Variants in ZNF713 observed in about 807,000 individuals in gnomAD.
ZNF713 encodes zinc finger protein 713.
Under a neutral mutation model 28.7 loss-of-function variants are expected in ZNF713, and 21 were observed. The observed-to-expected ratio is 0.73, with a 90% CI of 0.52 to 1.05. The LOEUF is 1.05. Among genes scored for constraint, ZNF713 ranks in the 50% least tolerant of loss-of-function variants. The pLI, the probability that ZNF713 is intolerant of heterozygous loss-of-function variation, is 0.00. For synonymous variants in ZNF713, 167 were observed against 178.0 expected (o/e 0.94, Z 0.49); for missense variants, 458 against 532.4 (o/e 0.86, Z 1.37).
chr7:55,908,182 G>A (rs542940396), intron 2 of ZNF713, among the ~76,000 whole-genome samples: 368 of 121,332 alleles, frequency 3.0e-3, no homozygotes, highest in Non-Finnish European at 3.6e-3. Context: ...TTGCCATGTC[G>A]CCCAGGCTGG....
rs374025454 is a variant in ZNF713, at chr7:55,906,720, C to A, written c.-456+341C>A. Reference sequence around the variant, plus strand: ...TTGGGGCTTGGTTTTTCATTTGTGACCATCACCAGCTGGGTTTGTGTATGA... The same window carrying A: ...TTGGGGCTTGGTTTTTCATTTGTGAACATCACCAGCTGGGTTTGTGTATGA... On this transcript the variant is annotated intron_variant, in intron 2 of 6. Transcript: ENST00000429591. 2.0e-5 allele frequency among the ~76,000 whole-genome samples: 3 copies of A among 152,214 alleles called. No homozygotes were observed. In the East Asian group the frequency reaches 5.8e-4, roughly 29 times the overall value.
chr7:55,904,082 G>GCCAGACTGTATCTTTAAAAAAAAAAAAAA lies in ZNF713; in HGVS notation c.-582-2171_-582-2170insCCAGACTGTATCTTTAAAAAAAAAAAAAA. 1.1e-3 allele frequency among the ~76,000 whole-genome samples: 136 copies of GCCAGACTGTATCTTTAAAAAAAAAAAAAA among 126,628 alleles called. 10 individuals carry two copies. Among genetic ancestry groups the GCCAGACTGTATCTTTAAAAAAAAAAAAAA allele is most frequent in the East Asian group, 2.9e-3 (11 of 3,842 alleles). 83.1% of individuals were successfully genotyped at this position (126,628 alleles called of 152,430 possible). A position where few individuals can be genotyped will look rare whatever the true frequency, so the allele number is the denominator to read the frequency against. On this transcript the variant is annotated intron_variant, in intron 1 of 6. Transcript: ENST00000429591. Reference sequence around the variant, plus strand: ...ATAAAAGGCAGGCAAAGGAAAAAGAGACTAGATCACAGCTCCCTGAGAGAG... The same window carrying GCCAGACTGTATCTTTAAAAAAAAAAAAAA: ...ATAAAAGGCAGGCAAAGGAAAAAGAGCCAGACTGTATCTTTAAAAAAAAAAAAAAACTAGATCACAGCTCCCTGAGAGAG...
intron 4 of ZNF713, among the ~76,000 whole-genome samples, chr7:55,915,594 G>A (rs985086839): frequency 1.3e-5 from 2 of 152,220 alleles, no homozygotes; most frequent in Non-Finnish European, 2.9e-5. Flanking sequence ...AGAAAGAAAA[G>A]ATAAGTAGAA....
At chr7:55,921,692 A>T (rs533409280) in intron 4 of ZNF713, among the ~76,000 whole-genome samples, 6 of 152,306 alleles carry the variant, frequency 3.9e-5, no homozygotes, top group African/African-American at 1.4e-4. Flanking sequence ...TGGTTTCTTG[A>T]GATGGAATCA....
intron 4 of ZNF713, among the ~76,000 whole-genome samples, chr7:55,921,789 AG>A (rs1785997294): frequency 6.6e-6 from 1 of 152,234 alleles, no homozygotes; most frequent in African/African-American, 2.4e-5. Context: ...AAGCAGCAGG[AG>A]GATTTGAAAA....
intron 4 of ZNF713, among the ~76,000 whole-genome samples, chr7:55,913,897 G>A (rs946330810): frequency 1.3e-5 from 2 of 152,100 alleles, no homozygotes; most frequent in Non-Finnish European, 2.9e-5. Flanking sequence ...AGATCACAAG[G>A]TCAGGAGTTC....
intron 6 of ZNF713, among the ~76,000 whole-genome samples, chr7:55,925,714 G>A (rs1303512457): frequency 1.3e-5 from 2 of 152,296 alleles, no homozygotes; most frequent in East Asian, 3.9e-4. Flanking sequence ...CCTAACCAGT[G>A]CTCACATTCC....
intron 2 of ZNF713, among the ~76,000 whole-genome samples, chr7:55,911,297 G>A (rs1318659629): frequency 6.6e-6 from 1 of 152,116 alleles, no homozygotes; most frequent in Admixed American, 6.6e-5. Flanking sequence ...TTACTTTGTT[G>A]TTGAAACATG....
At position 55,923,709 on chromosome 7, in the gene ZNF713, C is replaced by A. The variant is rs1467748966; in HGVS notation, c.307+10C>A. 1 of 1,602,658 alleles carries A rather than the reference C, an allele frequency of 6.2e-7. No homozygotes were observed. Among genetic ancestry groups the A allele is most frequent in the Non-Finnish European group, 8.5e-7 (1 of 1,171,712 alleles). ...CTGGATACTCATCCAGGTAAGTGCA[C>A]ACTCTTGGGCACTGCTACTTAATGA... On this transcript the variant is annotated intron_variant, in intron 6 of 6. Transcript: ENST00000429591.
chr7:55,907,254 T>C (rs567635575), intron 2 of ZNF713, among the ~76,000 whole-genome samples: 15 of 152,308 alleles, frequency 9.8e-5, no homozygotes, highest in Middle Eastern at 3.4e-3. Flanking sequence ...TTATGGTGTT[T>C]CCTTCTTTTG....
Position 55,893,309 on chromosome 7 carries a change from C to G in ZNF713, c.-583+5629C>G, listed in dbSNP as rs190673620. ...ACATCCATGTATAAATATGATTGGA[C>G]AAAAAGAGTATGATCTCATGCTATA... On this transcript the variant is annotated intron_variant, in intron 1 of 6. Transcript: ENST00000429591. 1.4e-4 allele frequency among the ~76,000 whole-genome samples: 22 copies of G among 152,154 alleles called. No homozygotes were observed. In the East Asian group the frequency reaches 1.9e-3, roughly 13 times the overall value.
intron 1 of ZNF713, among the ~76,000 whole-genome samples, chr7:55,894,006 G>A (rs1785432299): frequency 6.6e-6 from 1 of 152,316 alleles, no homozygotes; most frequent in Admixed American, 6.5e-5. Context: ...TTGTGCTTTT[G>A]AGGCCTTTAA....
chr7:55,903,296 G>A (rs545650731), intron 1 of ZNF713, among the ~76,000 whole-genome samples: 15 of 152,090 alleles, frequency 9.9e-5, no homozygotes, highest in African/African-American at 2.9e-4. Context: ...GGTTCCTACC[G>A]TCATGGAGAT....
chr7:55,900,760 T>C (rs1046417576), intron 1 of ZNF713, among the ~76,000 whole-genome samples: 13 of 152,170 alleles, frequency 8.5e-5, no homozygotes, highest in African/African-American at 2.9e-4. Context: ...AGGGGTAAGC[T>C]TTAGTGATCT....
At chr7:55,910,536 C>T (rs1442314047) in intron 2 of ZNF713, among the ~76,000 whole-genome samples, 2 of 152,012 alleles carry the variant, frequency 1.3e-5, no homozygotes, top group African/African-American at 4.8e-5. Context: ...TACTCTGTCA[C>T]CCAGGCTTCA....
chr7:55,939,675 G>C lies in ZNF713; in HGVS notation c.1001G>C (p.Arg334Thr). Residue 334 changes from arginine to threonine, a missense_variant, in exon 7 of 7, where the codon AGG becomes ACG. Coordinates refer to ENST00000429591, the MANE Select transcript of ZNF713 (RefSeq NM_182633.3). ...CATTCATCCTTTACTCAACATCTGA[G>C]GATTCATACTGGAGAAAAGCCCTAT... ...RQHSSFTQHLRIHTGEKPYKC... is the reference protein window; with the variant it reads ...RQHSSFTQHLTIHTGEKPYKC... 1 of 1,614,148 alleles carries C rather than the reference G, an allele frequency of 6.2e-7. No individual in the cohort carries two copies. The highest frequency in any genetic ancestry group is 8.5e-7 in the Non-Finnish European group (1 of 1,180,030).
rs191272485 is a variant in ZNF713, at chr7:55,905,292, C to G, written c.-582-961C>G. Among the ~76,000 whole-genome samples the G allele has an allele frequency of 1.2e-4, 19 of 152,290 alleles. No homozygotes were observed. In the East Asian group the frequency reaches 3.3e-3, roughly 26 times the overall value. Reference sequence around the variant, plus strand: ...ATGTAGATGGCAGATTTTCACCTCTCAGATTCTGACCTAGGAGCTCTCTGG... The same window carrying G: ...ATGTAGATGGCAGATTTTCACCTCTGAGATTCTGACCTAGGAGCTCTCTGG... On this transcript the variant is annotated intron_variant, in intron 1 of 6. Transcript: ENST00000429591.
intron 6 of ZNF713, among the ~76,000 whole-genome samples, chr7:55,925,690 A>G (rs1368258689): frequency 6.6e-6 from 1 of 152,166 alleles, no homozygotes; most frequent in East Asian, 1.9e-4. Context: ...AGCCTCACTG[A>G]ACCAGAATTT....
At chr7:55,934,846 A>C (rs972509185) in intron 6 of ZNF713, among the ~76,000 whole-genome samples, 2 of 151,812 alleles carry the variant, frequency 1.3e-5, no homozygotes, top group Admixed American at 6.6e-5. Context: ...AGAATTTATC[A>C]AAATGTGTAG....
Sources: allele counts gnomAD v4.1 joint callset (sites outside exome capture counted in the v4.1 genomes callset), GRCh38; gene constraint gnomAD v4.1.1; transcripts MANE v1.5; gene names NCBI Gene and HGNC (gene_info 2026-07-23, HGNC 2026-07-21).